The following HERC3 variants were observed in gnomAD, a reference collection of about 807,000 sequenced individuals.
HERC3 encodes probable E3 ubiquitin-protein ligase HERC3.
Under a neutral mutation model 129.9 loss-of-function variants are expected in HERC3, and 58 were observed. The observed-to-expected ratio is 0.45, with a 90% CI of 0.36 to 0.56. The LOEUF is 0.56. HERC3 is among the 20% of genes least tolerant of loss of function. HERC3 has a pLI of 0.00. For synonymous variants in HERC3, 430 were observed against 451.0 expected (o/e 0.95, Z 0.59); for missense variants, 835 against 1,244.2 (o/e 0.67, Z 4.95).
the HERC3 span, among the ~76,000 whole-genome samples, chr4:88,571,613 T>C: frequency 5.9e-5 from 9 of 152,242 alleles, no homozygotes; most frequent in African/African-American, 1.7e-4. Context: ...ATGTGTTTAA[T>C]ATCCTTATAG....
intron 23 of HERC3, among the ~76,000 whole-genome samples, chr4:88,703,620 T>G (rs1310992225): frequency 1.3e-5 from 2 of 152,202 alleles, no homozygotes; most frequent in Non-Finnish European, 2.9e-5. Context: ...GGTAAAGGTT[T>G]TATAAACAAG....
chr4:88,539,418 A>C, the HERC3 span, among the ~76,000 whole-genome samples: 1 of 152,186 alleles, frequency 6.6e-6, no homozygotes, highest in Non-Finnish European at 1.5e-5. Flanking sequence ...AGCAGCCAGG[A>C]AGCTTGAACT....
chr4:88,585,518 CT>C, the HERC3 span, among the ~76,000 whole-genome samples: 26,238 of 122,626 alleles, frequency 0.21, 4,038 homozygotes, highest in African/African-American at 0.49. Flanking sequence ...TGATACTTTG[CT>C]TTTTTTTTTT....
intron 2 of HERC3, among the ~76,000 whole-genome samples, chr4:88,604,310 C>T (rs137924994): frequency 5.3e-5 from 8 of 152,366 alleles, no homozygotes; most frequent in East Asian, 1.9e-4. Context: ...TGAGCCACTA[C>T]GCCTGGCCTA....
chr4:88,618,240 A>G (rs1224607082), intron 3 of HERC3, among the ~76,000 whole-genome samples: 5 of 152,190 alleles, frequency 3.3e-5, no homozygotes, highest in Admixed American at 6.5e-5. Flanking sequence ...GTTTATTGCA[A>G]TGTCTTTATG....
At chr4:88,636,724 T>C (rs1727449301) in intron 3 of HERC3, among the ~76,000 whole-genome samples, 1 of 152,180 alleles carries the variant, frequency 6.6e-6, no homozygotes, top group Admixed American at 6.5e-5. Flanking sequence ...TACTCTAAAA[T>C]TGACCACATA....
Position 88,670,212 on chromosome 4 carries a change from A to C in HERC3, c.1871A>C (p.Gln624Pro). Reference protein sequence around the residue: ...IPEISNLVDIQEDYLMWFLHQ... With the variant: ...IPEISNLVDIPEDYLMWFLHQ... ...GAGATTTCCAATCTCGTGGACATTC[A>C]GGAAGACTACCTCATGTGGTTCTTG... is the stretch of plus-strand genomic sequence containing the variant. The change falls in exon 16 of 26, where the codon CAG (glutamine) becomes CCG (proline). Residue 624 changes from glutamine to proline, a missense_variant. Transcript: ENST00000402738. 1 of 1,613,080 alleles carries C rather than the reference A, an allele frequency of 6.2e-7. No individual in the cohort carries two copies.
the HERC3 span, among the ~76,000 whole-genome samples, chr4:88,578,474 C>T: frequency 1.2e-4 from 18 of 151,438 alleles, 1 homozygote; most frequent in African/African-American, 4.1e-4. Flanking sequence ...CCCAGCTACT[C>T]GGGAGGCTGA....
the HERC3 span, among the ~76,000 whole-genome samples, chr4:88,555,244 C>T: frequency 4.8e-3 from 708 of 148,072 alleles, 12 homozygotes; most frequent in African/African-American, 0.017. Flanking sequence ...GATCGTGCCA[C>T]TGCACTCCAG....
chr4:88,661,739 T>A (rs1383100746), intron 10 of HERC3, among the ~76,000 whole-genome samples: 1 of 152,240 alleles, frequency 6.6e-6, no homozygotes, highest in Non-Finnish European at 1.5e-5. Context: ...ATTATTAACA[T>A]CTTTTTCTGC....
At chr4:88,600,160 A>G (rs1160709221) in intron 2 of HERC3, among the ~76,000 whole-genome samples, 14 of 152,180 alleles carry the variant, frequency 9.2e-5, no homozygotes, top group Admixed American at 9.2e-4. Flanking sequence ...TAATAATGTC[A>G]TTATTAATAT....
chr4:88,669,806 T>C (rs1731421127), intron 14 of HERC3, 54 bp from the exon 15 acceptor site: 9 of 1,500,790 alleles, frequency 6.0e-6, no homozygotes. Context: ...GCAGAAGACA[T>C]AAATACTTGC....
the HERC3 span, among the ~76,000 whole-genome samples, chr4:88,576,142 A>G: frequency 6.6e-6 from 1 of 151,992 alleles, no homozygotes; most frequent in Non-Finnish European, 1.5e-5. Context: ...TCTTGACTCA[A>G]TCTACTTCTC....
intron 21 of HERC3, among the ~76,000 whole-genome samples, chr4:88,685,251 T>G (rs1733291930): frequency 6.6e-6 from 1 of 152,058 alleles, no homozygotes; most frequent in Admixed American, 6.5e-5. Context: ...TGGGTATATA[T>G]CCAAAGGATT....
intron 1 of HERC3, among the ~76,000 whole-genome samples, 156 bp downstream of exon 1, chr4:88,592,730 C>T (rs560541771): frequency 6.6e-6 from 1 of 152,092 alleles, no homozygotes; most frequent in South Asian, 2.1e-4. Flanking sequence ...CTGCAGGCAC[C>T]TCCAGAGACG....
chr4:88,646,054 A>G (rs1486251900), intron 3 of HERC3, among the ~76,000 whole-genome samples: 1 of 152,230 alleles, frequency 6.6e-6, no homozygotes, highest in Non-Finnish European at 1.5e-5. Flanking sequence ...TTAGTTAAGT[A>G]TAATGGGCTT....
At chr4:88,631,985 G>A (rs1726822291) in intron 3 of HERC3, among the ~76,000 whole-genome samples, 1 of 152,166 alleles carries the variant, frequency 6.6e-6, no homozygotes, top group Admixed American at 6.5e-5. Flanking sequence ...AGAACTTGAA[G>A]TACCACTAAG....
intron 11 of HERC3, among the ~76,000 whole-genome samples, chr4:88,663,789 G>A (rs1360446044): frequency 6.6e-6 from 1 of 152,206 alleles, no homozygotes; most frequent in Non-Finnish European, 1.5e-5. Flanking sequence ...CTGTGTTCGG[G>A]AAGTAACAGC....
intron 9 of HERC3, chr4:88,658,205 A>G (rs1730124605): frequency 5.5e-6 from 2 of 365,682 alleles, no homozygotes; most frequent in African/African-American, 2.1e-5. Flanking sequence ...AAGAAGAGTT[A>G]GAGTGGAGGA....
Sources: allele counts gnomAD v4.1 joint callset (sites outside exome capture counted in the v4.1 genomes callset), GRCh38; gene constraint gnomAD v4.1.1; transcripts MANE v1.5; gene names NCBI Gene and HGNC (gene_info 2026-07-23, HGNC 2026-07-21).